ABTB3: variants seen among roughly 807,000 people sequenced by gnomAD.
ABTB3 encodes ankyrin repeat and BTB domain containing 3.
the ABTB3 span, among the ~76,000 whole-genome samples, chr12:107,416,795 A>G: frequency 2.0e-5 from 3 of 152,112 alleles, no homozygotes; most frequent in African/African-American, 7.2e-5. Flanking sequence ...TGCCTGCCTA[A>G]TTTGTAAAAA....
chr12:107,362,268 G>A, the ABTB3 span, among the ~76,000 whole-genome samples: 2 of 152,198 alleles, frequency 1.3e-5, no homozygotes, highest in African/African-American at 4.8e-5. Flanking sequence ...TGGTAATGCT[G>A]GAGATCAGCA....
the ABTB3 span, among the ~76,000 whole-genome samples, chr12:107,469,522 G>A: frequency 6.6e-6 from 1 of 152,174 alleles, no homozygotes; most frequent in Non-Finnish European, 1.5e-5. Context: ...ATGCATGTCG[G>A]TTACTTAGGA....
At chr12:107,652,923 A>AT in the ABTB3 span, among the ~76,000 whole-genome samples, 1 of 152,008 alleles carries the variant, frequency 6.6e-6, no homozygotes, top group Non-Finnish European at 1.5e-5. Context: ...ATTTTTATTT[A>AT]TTTTTGAGAT....
chr12:107,633,705 AG>A, the ABTB3 span, among the ~76,000 whole-genome samples: 1 of 152,214 alleles, frequency 6.6e-6, no homozygotes, highest in African/African-American at 2.4e-5. Flanking sequence ...GCAGGGCTTT[AG>A]GCCAGAGGAA....
At chr12:107,347,089 A>G in the ABTB3 span, among the ~76,000 whole-genome samples, 1 of 152,176 alleles carries the variant, frequency 6.6e-6, no homozygotes. Flanking sequence ...TCTCCATATA[A>G]ATGCTACTCA....
At chr12:107,549,111 G>A in the ABTB3 span, among the ~76,000 whole-genome samples, 1 of 152,190 alleles carries the variant, frequency 6.6e-6, no homozygotes, top group Non-Finnish European at 1.5e-5. Context: ...TCAGGGAAAT[G>A]TCTGCCAGGG....
chr12:107,561,162 A>ATTAG, the ABTB3 span, among the ~76,000 whole-genome samples: 1 of 152,164 alleles, frequency 6.6e-6, no homozygotes, highest in South Asian at 2.1e-4. Flanking sequence ...GTTGCTCTGT[A>ATTAG]TTAGTCCCTT....
At chr12:107,359,270 G>C in the ABTB3 span, among the ~76,000 whole-genome samples, 2 of 152,212 alleles carry the variant, frequency 1.3e-5, no homozygotes. Context: ...GAGACCCTTA[G>C]GACATCTGGT....
At chr12:107,604,262 C>T in the ABTB3 span, among the ~76,000 whole-genome samples, 11 of 152,100 alleles carry the variant, frequency 7.2e-5, no homozygotes, top group African/African-American at 2.7e-4. Flanking sequence ...GCCTGGCCAA[C>T]ATAGAGAAAC....
chr12:107,418,859 C>T, the ABTB3 span, among the ~76,000 whole-genome samples: 1 of 152,154 alleles, frequency 6.6e-6, no homozygotes, highest in Non-Finnish European at 1.5e-5. Flanking sequence ...TTCCCCAAAT[C>T]CCATTTTATG....
At chr12:107,484,039 G>C in the ABTB3 span, among the ~76,000 whole-genome samples, 1 of 152,238 alleles carries the variant, frequency 6.6e-6, no homozygotes, top group Admixed American at 6.5e-5. Context: ...AGATGTGCCT[G>C]TGCCTCATAA....
the ABTB3 span, among the ~76,000 whole-genome samples, chr12:107,414,380 G>A: frequency 6.6e-6 from 1 of 152,056 alleles, no homozygotes; most frequent in African/African-American, 2.4e-5. Context: ...ACTGTCTGAA[G>A]GATTCCCCTC....
chr12:107,458,765 C>T, the ABTB3 span, among the ~76,000 whole-genome samples: 10 of 152,148 alleles, frequency 6.6e-5, no homozygotes, highest in Non-Finnish European at 1.2e-4. Context: ...CTGTCCCCAG[C>T]TCTCCTCACC....
chr12:107,653,453 C>T, the ABTB3 span, among the ~76,000 whole-genome samples: 1 of 150,898 alleles, frequency 6.6e-6, no homozygotes, highest in Admixed American at 6.6e-5. Flanking sequence ...GGGGCCAGAG[C>T]GTGCAGTGAG....
At chr12:107,345,384 A>C in the ABTB3 span, among the ~76,000 whole-genome samples, 2 of 152,210 alleles carry the variant, frequency 1.3e-5, no homozygotes, top group Non-Finnish European at 2.9e-5. Flanking sequence ...GGATTTGCCC[A>C]GCAAAGAGAA....
the ABTB3 span, among the ~76,000 whole-genome samples, chr12:107,491,749 G>T: frequency 1.3e-5 from 2 of 151,070 alleles, no homozygotes; most frequent in African/African-American, 4.9e-5. Context: ...ATTGAACTTG[G>T]TAGGCAGAGG....
At chr12:107,489,993 G>A in the ABTB3 span, among the ~76,000 whole-genome samples, 2 of 152,048 alleles carry the variant, frequency 1.3e-5, no homozygotes, top group African/African-American at 4.8e-5. Flanking sequence ...GGTGCCCTGA[G>A]GGATTTAAAA....
chr12:107,481,903 C>CTCTCTCTCTCTCTCTT, the ABTB3 span, among the ~76,000 whole-genome samples: 2 of 150,156 alleles, frequency 1.3e-5, no homozygotes, highest in Admixed American at 1.3e-4. Context: ...CTCTCTCTCT[C>CTCTCTCTCTCTCTCTT]TCTCTCTCTC....
At chr12:107,541,989 A>G in the ABTB3 span, among the ~76,000 whole-genome samples, 1 of 152,110 alleles carries the variant, frequency 6.6e-6, no homozygotes, top group South Asian at 2.1e-4. Context: ...ACTGGGCACC[A>G]TAGCCTGGCC....
Sources: gnomAD v4.1 joint callset for allele counts (sites outside exome capture counted in the v4.1 genomes callset) on GRCh38, gnomAD v4.1.1 for gene constraint, MANE v1.5 for transcripts, NCBI Gene and HGNC (gene_info 2026-07-23, HGNC 2026-07-21) for gene names.